Variants in ATP6V1E2 observed in about 807,000 individuals in gnomAD.
The protein encoded by ATP6V1E2 is V-type proton ATPase subunit E 2.
For missense variants in ATP6V1E2, 308 were observed against 273.3 expected (o/e 1.13, Z -0.90); for synonymous variants, 121 against 104.2 (o/e 1.16, Z -0.98).
Position 46,533,310 on chromosome 2 carries a change from A to G in ATP6V1E2, c.-102+2503T>C, listed in dbSNP as rs559178263. 3.3e-5 allele frequency among the ~76,000 whole-genome samples: 5 copies of G among 152,034 alleles called. No individual in the cohort carries two copies. The East Asian group carries it at 5.8e-4, about 18-fold the overall frequency. On this transcript the variant is annotated intron_variant, in intron 4 of 4. Transcript: ENST00000522587. ...TTTTTTTGAGACATGGTCTGGCTCT[A>G]TCACTCAGACTGGAGTGCAGTGGCA...
chr2:46,517,303 C>A (rs1425013293), intron 4 of ATP6V1E2, among the ~76,000 whole-genome samples: 2 of 151,980 alleles, frequency 1.3e-5, no homozygotes, highest in Non-Finnish European at 1.5e-5. Context: ...GAAATTGGAC[C>A]CTTATTTTAA....
Position 46,537,090 on chromosome 2 carries a change from A to G in ATP6V1E2, c.-309-387T>C, listed in dbSNP as rs1345385972. On this transcript the variant is annotated intron_variant, in intron 2 of 4. Transcript: ENST00000522587. The stretch of plus-strand genomic sequence containing the variant: ...AAGCCACTTTGCCTGGCCTCTCCTA[A>G]AATTCTTTATTTCCAGTGTAGCCAG... Among the ~76,000 whole-genome samples, 4 of 152,186 alleles carry G rather than the reference A, an allele frequency of 2.6e-5. No individual in the cohort carries two copies. The East Asian group carries it at 7.7e-4, about 29-fold the overall frequency.
At chr2:46,516,563 C>T (rs1383898464) in intron 4 of ATP6V1E2, among the ~76,000 whole-genome samples, 1 of 152,084 alleles carries the variant, frequency 6.6e-6, no homozygotes, top group East Asian at 1.9e-4. Context: ...CAGTGCACTC[C>T]AGTCTGGGCA....
At chr2:46,513,170 G>A (rs1687555386) in intron 4 of ATP6V1E2, among the ~76,000 whole-genome samples, 1 of 150,744 alleles carries the variant, frequency 6.6e-6, no homozygotes. Flanking sequence ...GGAGGGTTGG[G>A]GAAAGTCTTA....
At chr2:46,539,932 C>T (rs940543882) in intron 2 of ATP6V1E2, among the ~76,000 whole-genome samples, 1 of 152,212 alleles carries the variant, frequency 6.6e-6, no homozygotes, top group Non-Finnish European at 1.5e-5. Flanking sequence ...CTATAGAGTG[C>T]TTTCCTGTTT....
At chr2:46,522,263 G>A (rs1372795923) in intron 4 of ATP6V1E2, among the ~76,000 whole-genome samples, 8 of 144,564 alleles carry the variant, frequency 5.5e-5, no homozygotes, top group African/African-American at 7.9e-5. Flanking sequence ...CAGCCTGGGC[G>A]ACAGACGGAG....
chr2:46,524,772 A>AG (rs1396551860), intron 4 of ATP6V1E2, among the ~76,000 whole-genome samples: 1 of 152,176 alleles, frequency 6.6e-6, no homozygotes, highest in African/African-American at 2.4e-5. Context: ...GCTGGTGGAA[A>AG]GGGGTCTGAG....
chr2:46,522,495 G>A (rs1461152723), intron 4 of ATP6V1E2, among the ~76,000 whole-genome samples: 1 of 151,890 alleles, frequency 6.6e-6, no homozygotes, highest in Non-Finnish European at 1.5e-5. Context: ...TGCAGTGTTT[G>A]GTTTTCTATT....
Position 46,526,481 on chromosome 2 carries a change from T to C in ATP6V1E2, c.-102+9332A>G, listed in dbSNP as rs1469158041. On this transcript the variant is annotated intron_variant, in intron 4 of 4. Transcript: ENST00000522587. Reference sequence around the variant, plus strand: ...TGGTTTTGCAACTATCACCACCATCTCCAGAACTTTTTCGTCTTCCCAAAT... The same window carrying C: ...TGGTTTTGCAACTATCACCACCATCCCCAGAACTTTTTCGTCTTCCCAAAT... Among the ~76,000 whole-genome samples, 3 of 152,170 alleles carry C rather than the reference T, an allele frequency of 2.0e-5. No individual in the cohort carries two copies. The East Asian group carries it at 5.8e-4, about 29-fold the overall frequency.
chr2:46,529,869 A>G (rs1329668064), intron 4 of ATP6V1E2, among the ~76,000 whole-genome samples: 1 of 152,138 alleles, frequency 6.6e-6, no homozygotes, highest in Non-Finnish European at 1.5e-5. Flanking sequence ...AATCTTAGGA[A>G]TTTGCAACCT....
intron 4 of ATP6V1E2, among the ~76,000 whole-genome samples, chr2:46,529,754 T>TTAA (rs1311302456): frequency 2.0e-5 from 3 of 148,320 alleles, no homozygotes; most frequent in Non-Finnish European, 4.5e-5. Context: ...ACATCTGTCT[T>TTAA]TAATGATGAT....
At chr2:46,541,480 C>T (rs147374003) in intron 1 of ATP6V1E2, 27 bp from the exon 2 acceptor site, 6 of 152,264 alleles carry the variant, frequency 3.9e-5, no homozygotes, top group East Asian at 1.9e-4. Context: ...GGGAATACAA[C>T]AGTGAGCATT....
rs762796194 is a variant in ATP6V1E2 at position 46,512,220 on chromosome 2, C to T, written c.492G>A (p.Glu164=). 2 of 1,613,988 alleles carry T rather than the reference C, an allele frequency of 1.2e-6. No homozygotes were observed. The highest frequency in any genetic ancestry group is 1.7e-6 in the Non-Finnish European group (2 of 1,180,024). ...EYMTISQKHV[E]VQIDKEAYLA... is the part of the protein sequence containing the mutation. ...GGTATGCCTCTTTATCAATCTGGAC[C>T]TCCACATGTTTCTGGGAAATTGTCA... is the stretch of plus-strand genomic sequence containing the variant. The change falls in exon 5 of 5, where the codon GAG becomes GAA. Residue 164 remains glutamate, a synonymous_variant. Coordinates refer to ENST00000522587, the MANE Select transcript of ATP6V1E2 (RefSeq NM_001318063.2).
At chr2:46,531,543 C>T (rs574184310) in intron 4 of ATP6V1E2, among the ~76,000 whole-genome samples, 1 of 152,152 alleles carries the variant, frequency 6.6e-6, no homozygotes, top group African/African-American at 2.4e-5. Flanking sequence ...GGATATATAC[C>T]TAGCTCTAGA....
intron 2 of ATP6V1E2, among the ~76,000 whole-genome samples, chr2:46,539,064 T>C (rs1017600573): frequency 3.3e-5 from 5 of 150,260 alleles, no homozygotes; most frequent in African/African-American, 1.2e-4. Flanking sequence ...AGGGGCAGGA[T>C]GTATAAGAAG....
At position 46,530,864 on chromosome 2, in the gene ATP6V1E2, G is replaced by T. The variant is rs1029416383; in HGVS notation, c.-102+4949C>A. On this transcript the variant is annotated intron_variant, in intron 4 of 4. Transcript: ENST00000522587. This position sits in a 1 kb window ranked among gnomAD's most constrained non-coding sequence, Gnocchi z 5.2. ...GATCTCATGAGACTTATTCACTAGC[G>T]CAAGAACAGCACAGGAAAAACCCAA... Among the ~76,000 whole-genome samples the T allele has an allele frequency of 6.6e-6, 1 of 152,228 alleles. No homozygotes were observed. Among genetic ancestry groups the T allele is most frequent in the South Asian group, 2.1e-4 (1 of 4,824 alleles).
At position 46,535,647 on chromosome 2, in the gene ATP6V1E2, C is replaced by G. The variant is rs1271985024; in HGVS notation, c.-102+166G>C. Reference sequence around the variant, plus strand: ...TGCCCTGATGTGCCACTTCCTGGGTCAGGAACTGAACTGTGTACCCACCAC... The same window carrying G: ...TGCCCTGATGTGCCACTTCCTGGGTGAGGAACTGAACTGTGTACCCACCAC... On this transcript the variant is annotated intron_variant, in intron 4 of 4. Coordinates refer to ENST00000522587, the MANE Select transcript of ATP6V1E2 (RefSeq NM_001318063.2). This position sits in a 1 kb window ranked among gnomAD's most constrained non-coding sequence, Gnocchi z 4.4. The G allele has an allele frequency of 6.6e-6, 1 of 152,268 alleles. No homozygotes were observed. Among genetic ancestry groups the G allele is most frequent in the African/African-American group, 2.4e-5 (1 of 41,452 alleles). The allele number at this position is 152,268 out of a possible 1,614,324, so 9.4% of individuals were successfully genotyped here. A position where few individuals can be genotyped will look rare whatever the true frequency, so the allele number is the denominator to read the frequency against.
rs574292839 is a variant in ATP6V1E2, at chr2:46,538,900, T to C, written c.-309-2197A>G. Among the ~76,000 whole-genome samples the C allele has an allele frequency of 5.9e-5, 9 of 151,772 alleles. No homozygotes were observed. In the East Asian group the frequency reaches 1.4e-3, roughly 23 times the overall value. On this transcript the variant is annotated intron_variant, in intron 2 of 4. Coordinates refer to ENST00000522587, the MANE Select transcript of ATP6V1E2 (RefSeq NM_001318063.2). ...GAGAGAATTGCTTGAGCCTGGGAGGTTGAGGCTATAGTGAGCTGAGACTGC... is the reference window on the plus strand; with the variant it reads ...GAGAGAATTGCTTGAGCCTGGGAGGCTGAGGCTATAGTGAGCTGAGACTGC...
intron 4 of ATP6V1E2, among the ~76,000 whole-genome samples, chr2:46,525,417 G>C (rs927285136): frequency 2.8e-5 from 4 of 142,560 alleles, no homozygotes; most frequent in African/African-American, 7.7e-5. Context: ...AGCCGAGATC[G>C]CGCCACAGCA....
Sources: gnomAD v4.1 joint callset for allele counts (sites outside exome capture counted in the v4.1 genomes callset) on GRCh38, gnomAD v4.1.1 for gene constraint, Gnocchi (gnomAD v3.1) non-coding constraint, MANE v1.5 for transcripts, NCBI Gene and HGNC (gene_info 2026-07-23, HGNC 2026-07-21) for gene names.